GRIN2B: variants seen among roughly 807,000 people sequenced by gnomAD.
GRIN2B encodes glutamate ionotropic receptor NMDA type subunit 2B.
GRIN2B carries 5 observed loss-of-function variants against 114.5 expected under a neutral mutation model. The ratio of observed to expected loss-of-function variants is 0.04; its 90% CI spans 0.02 to 0.09. The LOEUF is 0.09. GRIN2B is among the 10% of genes least tolerant of loss of function. The pLI is 1.00. For synonymous variants in GRIN2B, 787 were observed against 745.1 expected, an observed-to-expected ratio of 1.06 and a Z score of -0.92; for missense variants, 1,108 against 1,943.5, an observed-to-expected ratio of 0.57 and a Z score of 8.08.
At chr12:13,708,399 A>C (rs1466478237) in intron 4 of GRIN2B, among the ~76,000 whole-genome samples, 1 of 151,950 alleles carries the variant, frequency 6.6e-6, no homozygotes, top group Non-Finnish European at 1.5e-5. Flanking sequence ...CTATGTATGA[A>C]CTCCCTTTTT....
chr12:13,588,536 T>C (rs1948962983), intron 10 of GRIN2B, among the ~76,000 whole-genome samples: 1 of 152,148 alleles, frequency 6.6e-6, no homozygotes, highest in Admixed American at 6.5e-5. Context: ...AAGAAGATAT[T>C]AAAAGGATGA....
At chr12:13,827,849 T>C (rs1354663841) in intron 3 of GRIN2B, among the ~76,000 whole-genome samples, 1 of 152,090 alleles carries the variant, frequency 6.6e-6, no homozygotes, top group Non-Finnish European at 1.5e-5. Flanking sequence ...TCCCGGCTAA[T>C]TTTTGTATTT....
chr12:13,872,471 T>C (rs1408457667), intron 2 of GRIN2B, among the ~76,000 whole-genome samples: 1 of 135,438 alleles, frequency 7.4e-6, no homozygotes. Flanking sequence ...AAAAAAAAAA[T>C]AGTGCTAACT....
In GRIN2B at chr12:13,715,575, G is replaced by A. The variant is rs573301193; in HGVS notation, c.1010+37742C>T. On this transcript the variant is annotated intron_variant, in intron 4 of 13. Coordinates refer to ENST00000609686, the MANE Select transcript of GRIN2B (RefSeq NM_000834.5). ...AATGGATAAATATACAAAAGAGTGGGTAAGTGAATAAATGGCTCATTGAAC... is the reference window on the plus strand; with the variant it reads ...AATGGATAAATATACAAAAGAGTGGATAAGTGAATAAATGGCTCATTGAAC... Among the ~76,000 whole-genome samples the A allele has an allele frequency of 3.9e-5, 6 of 151,934 alleles. No individual in the cohort carries two copies. The South Asian group carries it at 1.0e-3, about 26-fold the overall frequency.
intron 3 of GRIN2B, among the ~76,000 whole-genome samples, chr12:13,822,644 G>A (rs531660488): frequency 6.6e-6 from 1 of 152,080 alleles, no homozygotes; most frequent in Admixed American, 6.5e-5. Flanking sequence ...CAAAAACACA[G>A]TGATAAAAAG....
chr12:13,827,843 G>A (rs1371559659), intron 3 of GRIN2B, among the ~76,000 whole-genome samples: 7 of 152,184 alleles, frequency 4.6e-5, no homozygotes, highest in African/African-American at 9.6e-5. Context: ...CACCACTCCC[G>A]GCTAATTTTT....
intron 2 of GRIN2B, among the ~76,000 whole-genome samples, chr12:13,909,797 T>C (rs1866601156): frequency 6.6e-6 from 1 of 152,046 alleles, no homozygotes; most frequent in South Asian, 2.1e-4. Flanking sequence ...CACAGACAAA[T>C]GAGTGGTGGC....
At chr12:13,628,832 T>C (rs1565482431) in intron 5 of GRIN2B, among the ~76,000 whole-genome samples, 1 of 152,248 alleles carries the variant, frequency 6.6e-6, no homozygotes, top group Non-Finnish European at 1.5e-5. Flanking sequence ...GAATGTGCTT[T>C]CTGGGACAAT....
chr12:13,855,883 G>T (rs1865653033), intron 3 of GRIN2B, among the ~76,000 whole-genome samples: 1 of 152,182 alleles, frequency 6.6e-6, no homozygotes, highest in African/African-American at 2.4e-5. Context: ...TTTAATGAGT[G>T]TTAATTGTTT....
intron 2 of GRIN2B, among the ~76,000 whole-genome samples, chr12:13,934,100 C>T (rs954199879): frequency 1.3e-5 from 2 of 152,136 alleles, no homozygotes; most frequent in African/African-American, 4.8e-5. Flanking sequence ...TGCTAAGTAC[C>T]AAGAGGACTT....
intron 4 of GRIN2B, among the ~76,000 whole-genome samples, chr12:13,677,900 T>C (rs1234166970): frequency 6.6e-6 from 1 of 152,120 alleles, no homozygotes; most frequent in Non-Finnish European, 1.5e-5. Flanking sequence ...CCTGTTAAAC[T>C]CTTTTAGTTC....
intron 3 of GRIN2B, among the ~76,000 whole-genome samples, chr12:13,802,163 G>A (rs975027119): frequency 2.0e-5 from 3 of 152,044 alleles, no homozygotes; most frequent in Admixed American, 2.0e-4. Flanking sequence ...AGATAGACAC[G>A]GGGAAAAGAC....
chr12:13,700,332 C>A (rs146402287), intron 4 of GRIN2B, among the ~76,000 whole-genome samples: 4 of 152,058 alleles, frequency 2.6e-5, no homozygotes, highest in African/African-American at 4.8e-5. Flanking sequence ...AACGAAAAAC[C>A]AACTTGAGGT....
At chr12:13,590,886 T>C (rs1394293980) in intron 10 of GRIN2B, among the ~76,000 whole-genome samples, 1 of 152,146 alleles carries the variant, frequency 6.6e-6, no homozygotes, top group Non-Finnish European at 1.5e-5. Context: ...CTTGAAGTCA[T>C]TGTTTTCTAC....
chr12:13,897,586 C>T (rs1275270204), intron 2 of GRIN2B, among the ~76,000 whole-genome samples: 1 of 152,156 alleles, frequency 6.6e-6, no homozygotes, highest in East Asian at 1.9e-4. Flanking sequence ...CCCTTAGACT[C>T]TTAGAAGTAA....
intron 10 of GRIN2B, among the ~76,000 whole-genome samples, chr12:13,574,005 A>C (rs1238116340): frequency 6.6e-6 from 1 of 152,202 alleles, no homozygotes; most frequent in Non-Finnish European, 1.5e-5. Context: ...AGGGGTTATA[A>C]TTTTTAAGTG....
intron 2 of GRIN2B, among the ~76,000 whole-genome samples, chr12:13,951,713 T>C (rs1867482029): frequency 6.6e-6 from 1 of 152,094 alleles, no homozygotes; most frequent in South Asian, 2.1e-4. Context: ...CCAATTTATC[T>C]GTTCATCTCT....
At chr12:13,571,710 C>T in intron 11 of GRIN2B, 94 bp downstream of exon 11, 2 of 1,287,356 alleles carry the variant, frequency 1.6e-6, no homozygotes, top group South Asian at 2.4e-5. Context: ...TTTTATGATA[C>T]CAAGCATGGT....
chr12:13,614,675 T>G (rs2136478717), intron 8 of GRIN2B, among the ~76,000 whole-genome samples: 1 of 152,300 alleles, frequency 6.6e-6, no homozygotes, highest in South Asian at 2.1e-4. Context: ...GCGCAATTCT[T>G]GCAGATAATT....
Sources: allele counts gnomAD v4.1 joint callset (sites outside exome capture counted in the v4.1 genomes callset), GRCh38; gene constraint gnomAD v4.1.1; transcripts MANE v1.5; gene names NCBI Gene and HGNC (gene_info 2026-07-23, HGNC 2026-07-21).